CIT: variants seen among roughly 807,000 people sequenced by gnomAD.
CIT encodes the protein citron rho-interacting serine/threonine kinase, also known as citron Rho-interacting kinase.
Under a neutral mutation model 272.7 loss-of-function variants are expected in CIT, and 79 were observed. The observed-to-expected ratio is 0.29, with a 90% CI of 0.24 to 0.35. The LOEUF is 0.35. Among genes scored for constraint, CIT ranks in the 10% least tolerant of loss-of-function variants. The pLI, the probability that CIT is intolerant of heterozygous loss-of-function variation, is 1.00. For missense variants in CIT, 1,909 were observed against 2,618.3 expected (o/e 0.73, Z 5.91); for synonymous variants, 948 against 995.6 (o/e 0.95, Z 0.90).
chr12:119,822,429 T>G (rs1967800119), intron 9 of CIT, among the ~76,000 whole-genome samples: 1 of 152,212 alleles, frequency 6.6e-6, no homozygotes, highest in African/African-American at 2.4e-5. Flanking sequence ...ACTCAGCCAT[T>G]AGCAGAACAA....
At chr12:119,689,227 A>G (rs576920035) in intron 47 of CIT, among the ~76,000 whole-genome samples, 18 of 151,688 alleles carry the variant, frequency 1.2e-4, no homozygotes, top group African/African-American at 2.4e-4. Flanking sequence ...AAAGTGGGGG[A>G]AAAAGTTAGC....
Position 119,714,278 on chromosome 12 carries a change from C to A in CIT, c.4225G>T (p.Val1409Leu). The change falls in exon 33 of 48, where the codon GTA becomes TTA. Residue 1409 changes from valine to leucine, a missense_variant. By Grantham distance (32) the Val-to-Leu change is conservative (BLOSUM62 1). This residue lies in a region of CIT where 780 missense variants were observed against 1,067.2 expected (regional missense o/e 0.73). Coordinates refer to ENST00000392521, the MANE Select transcript of CIT (RefSeq NM_001206999.2). ...MHHNIPHRFN[V>L]GLNMRATKCA... ...TTTGTGGCTCGCATGTTCAGTCCTA[C>A]GTTGAATCGGTGAGGAATATTGTGG... The A allele has an allele frequency of 6.2e-7, 1 of 1,614,074 alleles. No individual in the cohort carries two copies. The highest frequency in any genetic ancestry group is 8.5e-7 in the Non-Finnish European group (1 of 1,180,012).
intron 9 of CIT, among the ~76,000 whole-genome samples, chr12:119,817,482 G>A (rs1186077009): frequency 2.0e-5 from 3 of 151,858 alleles, no homozygotes; most frequent in African/African-American, 7.3e-5. Context: ...ACTGCACTCC[G>A]GCCTGGGCAA....
chr12:119,850,246 T>C lies in CIT; in HGVS notation c.444A>G (p.Ile148Met). 2 of 1,612,970 alleles carry C rather than the reference T, an allele frequency of 1.2e-6. No individual in the cohort carries two copies. The highest frequency in any genetic ancestry group is 8.5e-7 in the Non-Finnish European group (1 of 1,179,504). The change falls in exon 5 of 48, where the codon ATA (isoleucine) becomes ATG (methionine). Residue 148 changes from isoleucine to methionine, a missense_variant. By Grantham distance (10) the Ile-to-Met change is conservative (BLOSUM62 1). Around this residue, in one of 8 missense-constraint regions of CIT, gnomAD observed 529 missense variants for 549.6 expected, o/e 0.96. Transcript: ENST00000392521. Reference sequence around the variant, plus strand: ...TCCACGGGCTTGTGCTTCGAGATAATATGTTCCGCTCTTCCTCAAAAAATG... The same window carrying C: ...TCCACGGGCTTGTGCTTCGAGATAACATGTTCCGCTCTTCCTCAAAAAATG... ...QVSFFEEERN[I>M]LSRSTSPWIP...
chr12:119,722,203 G>A (rs537715707), intron 28 of CIT, among the ~76,000 whole-genome samples: 21 of 152,232 alleles, frequency 1.4e-4, no homozygotes, highest in South Asian at 2.1e-4. Context: ...AAATGCATCC[G>A]TTTCTAAAAA....
intron 26 of CIT, among the ~76,000 whole-genome samples, chr12:119,732,363 G>T (rs1593514810): frequency 6.6e-6 from 1 of 152,026 alleles, no homozygotes; most frequent in African/African-American, 2.4e-5. Context: ...GCTGAAGCCA[G>T]ATCCTACCCC....
rs140373563 is a variant in CIT at position 119,775,343 on chromosome 12, A to C, written c.1941+443T>G. On this transcript the variant is annotated intron_variant, in intron 16 of 47. Transcript: ENST00000392521. Reference sequence around the variant, plus strand: ...GGGCCATTAGCACAAACTTTGCAGGATGCTATAAACCAAATCCACGCCCCT... The same window carrying C: ...GGGCCATTAGCACAAACTTTGCAGGCTGCTATAAACCAAATCCACGCCCCT... Among the ~76,000 whole-genome samples the C allele has an allele frequency of 2.0e-4, 30 of 152,340 alleles. No individual in the cohort carries two copies. In the East Asian group the frequency reaches 5.4e-3, roughly 27 times the overall value.
intron 5 of CIT, among the ~76,000 whole-genome samples, chr12:119,847,366 G>C (rs1261602970): frequency 6.6e-6 from 1 of 152,110 alleles, no homozygotes; most frequent in African/African-American, 2.4e-5. Flanking sequence ...GGCCAAGACG[G>C]GTGGATCACC....
intron 7 of CIT, among the ~76,000 whole-genome samples, chr12:119,831,816 G>C (rs1170591247): frequency 6.6e-6 from 1 of 152,132 alleles, no homozygotes; most frequent in African/African-American, 2.4e-5. Context: ...CTTGCAGTGA[G>C]CCGAGATCGC....
At chr12:119,852,224 C>T (rs1483410398) in intron 4 of CIT, among the ~76,000 whole-genome samples, 2 of 152,066 alleles carry the variant, frequency 1.3e-5, no homozygotes, top group African/African-American at 4.8e-5. Flanking sequence ...CGGCCAAAGA[C>T]CAAGACCCTA....
chr12:119,709,078 T>C (rs1238415998), intron 39 of CIT, among the ~76,000 whole-genome samples: 2 of 152,174 alleles, frequency 1.3e-5, no homozygotes, highest in Non-Finnish European at 2.9e-5. Context: ...TTCTGGGACA[T>C]TATAGAAGCC....
rs539375746 is a variant in CIT at position 119,757,314 on chromosome 12, T to G, written c.2706+57A>C. ...ATTGATTTGTGCTCGAAAGCTGACTTGTTCAGAGCCCGAATCGCCCAGCAA... is the reference window on the plus strand; with the variant it reads ...ATTGATTTGTGCTCGAAAGCTGACTGGTTCAGAGCCCGAATCGCCCAGCAA... On this transcript the variant is annotated intron_variant, in intron 22 of 47. Coordinates refer to ENST00000392521, the MANE Select transcript of CIT (RefSeq NM_001206999.2). The G allele has an allele frequency of 1.9e-5, 31 of 1,597,464 alleles. No individual in the cohort carries two copies. In the East Asian group the frequency reaches 6.7e-4, roughly 35 times the overall value.
chr12:119,798,070 C>T (rs1038900571), intron 10 of CIT, among the ~76,000 whole-genome samples: 15 of 151,994 alleles, frequency 9.9e-5, no homozygotes, highest in Admixed American at 2.0e-4. Context: ...AGTATATACG[C>T]GTGGGTTTAT....
At position 119,834,207 on chromosome 12, in the gene CIT, CT is replaced by C; in HGVS notation, c.537del (p.Asp181ThrfsTer6). 1 of 1,611,914 alleles carries C rather than the reference CT, an allele frequency of 6.2e-7. No individual in the cohort carries two copies. Among genetic ancestry groups the C allele is most frequent in the Non-Finnish European group, 8.5e-7 (1 of 1,179,384 alleles). ...HLYLVMEYQP[G>X]GDLLSLLNRY... Reference sequence around the variant, plus strand: ...CTATTCAAAAGTGACAGCAAGTCCCCTCCAGGCTGATATTCCATGACCTGTA... The same window carrying C: ...CTATTCAAAAGTGACAGCAAGTCCCCCCAGGCTGATATTCCATGACCTGTA... On this transcript the variant is annotated frameshift_variant, in exon 6 of 48. Transcript: ENST00000392521. LOFTEE classifies it high-confidence loss of function.
chr12:119,821,900 G>C (rs923221395), intron 9 of CIT, among the ~76,000 whole-genome samples: 1 of 152,084 alleles, frequency 6.6e-6, no homozygotes, highest in African/African-American at 2.4e-5. Flanking sequence ...TTCAGCAGAA[G>C]GTTAGAGAAA....
At position 119,825,847 on chromosome 12, in the gene CIT, C is replaced by A. The variant is rs200469301; in HGVS notation, c.754-479G>T. Among the ~76,000 whole-genome samples the A allele has an allele frequency of 4.1e-4, 62 of 152,290 alleles. 1 individual carries two copies. In the East Asian group the frequency reaches 0.011, roughly 27 times the overall value. On this transcript the variant is annotated intron_variant, in intron 7 of 47. Transcript: ENST00000392521. ...CTTTGGGAGGCCAAGGTGGGTGGAT[C>A]ATTTGAGGCCAGGAGTTTGAGACCA... is the stretch of plus-strand genomic sequence containing the variant.
intron 9 of CIT, among the ~76,000 whole-genome samples, chr12:119,808,008 T>C (rs1966704753): frequency 1.3e-5 from 2 of 152,158 alleles, no homozygotes; most frequent in Non-Finnish European, 2.9e-5. Flanking sequence ...TACAAGTAAC[T>C]TCTTGAGGTT....
At chr12:119,848,939 A>C (rs1029270741) in intron 5 of CIT, among the ~76,000 whole-genome samples, 1 of 152,058 alleles carries the variant, frequency 6.6e-6, no homozygotes, top group Non-Finnish European at 1.5e-5. Context: ...GAGCCCAGGA[A>C]GTCGAGGCTG....
At chr12:119,720,718 C>A in intron 29 of CIT, 133 bp from the exon 30 acceptor site, 4 of 583,336 alleles carry the variant, frequency 6.9e-6, no homozygotes, top group Admixed American at 3.6e-5. Flanking sequence ...AGTACTGAGT[C>A]AGTATGTATT....
Sources: gnomAD v4.1 joint callset for allele counts (sites outside exome capture counted in the v4.1 genomes callset) on GRCh38, gnomAD v4.1.1 for gene constraint, gnomAD v4.1.1 regional missense constraint, MANE v1.5 for transcripts, NCBI Gene and HGNC (gene_info 2026-07-23, HGNC 2026-07-21) for gene names.